NEK10: variants seen among roughly 807,000 people sequenced by gnomAD.
The protein encoded by NEK10 is NIMA related kinase 10.
Under a neutral mutation model 159.8 loss-of-function variants are expected in NEK10, and 122 were observed. The observed-to-expected ratio is 0.76, with a 90% CI of 0.66 to 0.89. NEK10 has a LOEUF of 0.89. NEK10 is among the 40% of genes least tolerant of loss of function. The pLI, the probability that NEK10 is intolerant of heterozygous loss-of-function variation, is 0.00. For synonymous variants in NEK10, 466 were observed against 457.1 expected (o/e 1.02, Z -0.25); for missense variants, 1,342 against 1,323.1 (o/e 1.01, Z -0.22).
intron 29 of NEK10, among the ~76,000 whole-genome samples, chr3:27,169,603 G>A (rs1946774563): frequency 6.6e-6 from 1 of 152,226 alleles, no homozygotes; most frequent in Admixed American, 6.5e-5. Context: ...AAATGTATCA[G>A]TGATGCATCT....
Position 27,116,085 on chromosome 3 carries a change from T to C in NEK10, c.3233A>G (p.Glu1078Gly). ...CTGCAAAAACCTCACCTGCATCTGT[T>C]CATATGTTATTCCTTCCTCCAATTC... ...SIELEEGITY[E>G]QMQTVIEEVL... Residue 1078 changes from glutamate to glycine, a missense_variant, in exon 34 of 36, where the codon GAA becomes GGA. Coordinates refer to ENST00000691995, the MANE Select transcript of NEK10 (RefSeq NM_001394966.1). 6.2e-7 allele frequency: 1 copy of C among 1,613,634 alleles called. No homozygotes were observed. The highest frequency in any genetic ancestry group is 8.5e-7 in the Non-Finnish European group (1 of 1,179,730).
chr3:27,338,672 G>A (rs1405042342), intron 5 of NEK10, among the ~76,000 whole-genome samples: 3 of 152,204 alleles, frequency 2.0e-5, no homozygotes, highest in Non-Finnish European at 4.4e-5. Context: ...TTTCTCTGAT[G>A]ACCAGTGATG....
At chr3:27,217,090 A>G (rs1339583022) in intron 23 of NEK10, among the ~76,000 whole-genome samples, 1 of 152,216 alleles carries the variant, frequency 6.6e-6, no homozygotes, top group Non-Finnish European at 1.5e-5. Flanking sequence ...GAAAATAAGG[A>G]CAATGAAAAT....
intron 22 of NEK10, among the ~76,000 whole-genome samples, chr3:27,277,149 T>C (rs566041877): frequency 6.6e-6 from 1 of 152,178 alleles, no homozygotes; most frequent in African/African-American, 2.4e-5. Context: ...GGTAATAATG[T>C]CTGGAGCTCT....
At chr3:27,171,626 A>G (rs1316742360) in intron 29 of NEK10, among the ~76,000 whole-genome samples, 193 bp downstream of exon 29, 1 of 152,188 alleles carries the variant, frequency 6.6e-6, no homozygotes, top group African/African-American at 2.4e-5. Flanking sequence ...AGCTAGACTA[A>G]GACCCAGGTC....
chr3:27,322,333 T>A, intron 5 of NEK10, 72 bp from the exon 6 acceptor site: 1 of 890,250 alleles, frequency 1.1e-6, no homozygotes, highest in Non-Finnish European at 1.8e-6. Flanking sequence ...AATGCAAGGC[T>A]ATGAAGGAGT....
At chr3:27,349,351 A>G (rs1471818656) in intron 3 of NEK10, among the ~76,000 whole-genome samples, 3 of 152,082 alleles carry the variant, frequency 2.0e-5, no homozygotes, top group Admixed American at 6.6e-5. Context: ...ACGGAAAAGC[A>G]GCCTATTTTT....
At chr3:27,272,930 C>T (rs1040748420) in intron 22 of NEK10, among the ~76,000 whole-genome samples, 2 of 152,186 alleles carry the variant, frequency 1.3e-5, no homozygotes, top group Admixed American at 1.3e-4. Context: ...AATCTCTGCC[C>T]CCCAACTGCT....
intron 22 of NEK10, among the ~76,000 whole-genome samples, chr3:27,277,132 T>C (rs552422840): frequency 1.3e-5 from 2 of 152,240 alleles, no homozygotes; most frequent in East Asian, 1.9e-4. Context: ...CTCCCATCTT[T>C]GAATTTGGTA....
At chr3:27,254,193 A>G (rs549036666) in intron 23 of NEK10, among the ~76,000 whole-genome samples, 64 of 152,238 alleles carry the variant, frequency 4.2e-4, no homozygotes, top group African/African-American at 1.5e-3. Context: ...GGTTTTTTTC[A>G]ATTTTTAAAA....
At chr3:27,317,284 T>C (rs942694058) in intron 6 of NEK10, among the ~76,000 whole-genome samples, 15 of 152,204 alleles carry the variant, frequency 9.9e-5, no homozygotes, top group African/African-American at 3.6e-4. Flanking sequence ...AAGGTATGTA[T>C]ACACATGGGC....
At chr3:27,197,773 C>T (rs1454064346) in intron 25 of NEK10, among the ~76,000 whole-genome samples, 2 of 151,088 alleles carry the variant, frequency 1.3e-5, no homozygotes, top group African/African-American at 4.9e-5. Flanking sequence ...CCTTGCCTGA[C>T]TGCTCTGACC....
chr3:27,125,287 C>A (rs1004600453), intron 32 of NEK10, among the ~76,000 whole-genome samples: 1 of 152,014 alleles, frequency 6.6e-6, no homozygotes, highest in African/African-American at 2.4e-5. Context: ...ATTTCCCAAA[C>A]AACATCTTTT....
Position 27,353,684 on chromosome 3 carries a change from T to C in NEK10, c.-37-765A>G, listed in dbSNP as rs533470286. On this transcript the variant is annotated intron_variant, in intron 1 of 35. Coordinates refer to ENST00000691995, the MANE Select transcript of NEK10 (RefSeq NM_001394966.1). Reference sequence around the variant, plus strand: ...CAGGTACAATATTAACACTTTAGGATTGTACCAAGGATATAACACCACCTC... The same window carrying C: ...CAGGTACAATATTAACACTTTAGGACTGTACCAAGGATATAACACCACCTC... Among the ~76,000 whole-genome samples, 8 of 152,232 alleles carry C rather than the reference T, an allele frequency of 5.3e-5. No individual in the cohort carries two copies. The East Asian group carries it at 9.6e-4, about 18-fold the overall frequency.
chr3:27,313,102 A>C (rs1323930873), intron 7 of NEK10, among the ~76,000 whole-genome samples: 1 of 144,472 alleles, frequency 6.9e-6, no homozygotes, highest in African/African-American at 2.6e-5. Flanking sequence ...TAAAAATACA[A>C]AAAAAAAAAA....
intron 22 of NEK10, among the ~76,000 whole-genome samples, chr3:27,276,507 G>A (rs924743628): frequency 6.6e-6 from 1 of 152,192 alleles, no homozygotes; most frequent in African/African-American, 2.4e-5. Context: ...GAGCAAGGAG[G>A]AGATTACGAA....
At chr3:27,269,821 C>G (rs1201419149) in intron 22 of NEK10, among the ~76,000 whole-genome samples, 1 of 152,216 alleles carries the variant, frequency 6.6e-6, no homozygotes, top group African/African-American at 2.4e-5. Context: ...CATTTTAATA[C>G]ATGAAACTTG....
chr3:27,148,527 G>A (rs1425888153), intron 30 of NEK10, among the ~76,000 whole-genome samples: 1 of 152,004 alleles, frequency 6.6e-6, no homozygotes, highest in Non-Finnish European at 1.5e-5. Flanking sequence ...TCTTATAATT[G>A]GCCCTTCTGT....
intron 22 of NEK10, among the ~76,000 whole-genome samples, chr3:27,272,909 A>T (rs1559404360): frequency 6.6e-6 from 1 of 152,168 alleles, no homozygotes. Context: ...TCTGAAGGTC[A>T]CTCAGATTCT....
Sources: gnomAD v4.1 joint callset for allele counts (sites outside exome capture counted in the v4.1 genomes callset) on GRCh38, gnomAD v4.1.1 for gene constraint, MANE v1.5 for transcripts, NCBI Gene and HGNC (gene_info 2026-07-23, HGNC 2026-07-21) for gene names.